The following QRFPR variants were observed in gnomAD, a reference collection of about 807,000 sequenced individuals.
QRFPR encodes the protein pyroglutamylated RFamide peptide receptor.
In QRFPR, 37 loss-of-function variants were observed where a neutral mutation model predicts 31.3. The ratio of observed to expected loss-of-function variants is 1.18; its 90% CI spans 0.91 to 1.56. The LOEUF (loss-of-function observed/expected upper bound fraction) is 1.56. Ranked by LOEUF, QRFPR falls within the 40% of genes most tolerant of loss-of-function variation. The pLI is 0.00. For missense variants in QRFPR, 542 were observed against 532.5 expected (o/e 1.02, Z -0.18); for synonymous variants, 197 against 192.0 (o/e 1.03, Z -0.22).
chr4:121,370,073 C>G (rs1452457032), intron 1 of QRFPR: 8 of 772,048 alleles, frequency 1.0e-5, no homozygotes, highest in African/African-American at 1.7e-5. Context: ...GGGAGCTTGT[C>G]CACACTGTCA....
chr4:121,351,936 A>G (rs1298356339), intron 1 of QRFPR, among the ~76,000 whole-genome samples: 1 of 152,106 alleles, frequency 6.6e-6, no homozygotes, highest in Non-Finnish European at 1.5e-5. Flanking sequence ...ATATTTAACA[A>G]TGCAACCAAA....
At chr4:121,372,293 G>C (rs1726262257) in intron 1 of QRFPR, among the ~76,000 whole-genome samples, 1 of 152,114 alleles carries the variant, frequency 6.6e-6, no homozygotes, top group South Asian at 2.1e-4. Context: ...TTAGTTCTAT[G>C]GGTAAGACAG....
At chr4:121,351,815 T>C (rs367926055) in intron 1 of QRFPR, among the ~76,000 whole-genome samples, 19 of 148,378 alleles carry the variant, frequency 1.3e-4, no homozygotes, top group African/African-American at 3.7e-4. Flanking sequence ...TCACCAAAGA[T>C]ACAACTCCGA....
rs973031633 is a variant in QRFPR at position 121,352,988 on chromosome 4, A to G, written c.341-12378T>C. 4.4e-4 allele frequency among the ~76,000 whole-genome samples: 67 copies of G among 151,966 alleles called. 1 individual carries two copies. The highest frequency in any genetic ancestry group is 1.5e-3 in the African/African-American group (62 of 41,416). On this transcript the variant is annotated intron_variant, in intron 1 of 5. Transcript: ENST00000394427. ...TGACATTTGTCTTTCTGTGCCTGCC[A>G]CATTTCACTCAACATAACGTCCTCC...
At chr4:121,379,342 T>C (rs1560748824) in intron 1 of QRFPR, among the ~76,000 whole-genome samples, 1 of 152,194 alleles carries the variant, frequency 6.6e-6, no homozygotes, top group Non-Finnish European at 1.5e-5. Flanking sequence ...AGTAATGGGA[T>C]AGAAATAGCA....
intron 1 of QRFPR, among the ~76,000 whole-genome samples, chr4:121,356,492 A>C (rs993786149): frequency 2.0e-5 from 3 of 152,186 alleles, no homozygotes; most frequent in Non-Finnish European, 4.4e-5. Flanking sequence ...TGGGCATTGA[A>C]GAGTTCAGTA....
rs187872223 is a variant in QRFPR, at chr4:121,365,440, C to T, written c.340+14868G>A. On this transcript the variant is annotated intron_variant, in intron 1 of 5. Transcript: ENST00000394427. ...CCGCACTCCAGCCTGGGCAACAGAGCGAGACTCCATCTCAAAAATAATAAT... is the reference window on the plus strand; with the variant it reads ...CCGCACTCCAGCCTGGGCAACAGAGTGAGACTCCATCTCAAAAATAATAAT... Among the ~76,000 whole-genome samples, 15 of 95,752 alleles carry T rather than the reference C, an allele frequency of 1.6e-4. No individual in the cohort carries two copies. The East Asian group carries it at 2.9e-3, about 19-fold the overall frequency. The allele number at this position is 95,752 out of a possible 152,430, so 62.8% of individuals were successfully genotyped here. A position where few individuals can be genotyped will look rare whatever the true frequency, so the allele number is the denominator to read the frequency against.
At position 121,343,052 on chromosome 4, in the gene QRFPR, G is replaced by A. The variant is rs191296863; in HGVS notation, c.341-2442C>T. ...CAAAAAGGTGAATGGAGAAGGGAAC[G>A]CCCATGGACCATGGCCATGCACCAG... On this transcript the variant is annotated intron_variant, in intron 1 of 5. Transcript: ENST00000394427. Among the ~76,000 whole-genome samples the A allele has an allele frequency of 9.2e-5, 14 of 152,252 alleles. 1 individual carries two copies. In the East Asian group the frequency reaches 1.4e-3, roughly 15 times the overall value.
In QRFPR at chr4:121,340,515, C is replaced by T. The variant is rs750159364; in HGVS notation, c.436G>A (p.Gly146Arg). ...TTCATTTTAAAAGGATGCACAAGTCCCTGGTGCCTTTCCACAGCAATGCAG... is the reference window on the plus strand; with the variant it reads ...TTCATTTTAAAAGGATGCACAAGTCTCTGGTGCCTTTCCACAGCAATGCAG... ...MTCIAVERHQ[G>R]LVHPFKMKWQ... Residue 146 changes from glycine to arginine, a missense_variant, in exon 2 of 6, where the codon GGA becomes AGA. Transcript: ENST00000394427. 3 of 1,613,914 alleles carry T rather than the reference C, an allele frequency of 1.9e-6. No homozygotes were observed. The highest frequency in any genetic ancestry group is 2.7e-5 in the African/African-American group (2 of 74,910).
Position 121,380,353 on chromosome 4 carries a change from T to C in QRFPR, c.295A>G (p.Ile99Val), listed in dbSNP as rs1359344130. ...ATGTTCTGGAGCATGGTGACGGGAA[T>C]GCAGAAGAAGGTGATGAGCAGGTCA... ...LSDLLITFFC[I>V]PVTMLQNISD... is the part of the protein sequence containing the mutation. Residue 99 changes from isoleucine to valine, a missense_variant, in exon 1 of 6, where the codon ATT becomes GTT. By Grantham distance (29) the Ile-to-Val change is conservative. Transcript: ENST00000394427. 6 of 1,614,002 alleles carry C rather than the reference T, an allele frequency of 3.7e-6. No individual in the cohort carries two copies. The Admixed American group carries it at 5.0e-5, about 13-fold the overall frequency.
intron 3 of QRFPR, among the ~76,000 whole-genome samples, chr4:121,333,511 T>C (rs1048710722): frequency 1.3e-5 from 2 of 152,244 alleles, no homozygotes; most frequent in African/African-American, 4.8e-5. Flanking sequence ...TGAAAAGTAC[T>C]GAAAGCTGCG....
chr4:121,339,797 T>TA (rs938510180), intron 2 of QRFPR, among the ~76,000 whole-genome samples: 51 of 151,220 alleles, frequency 3.4e-4, no homozygotes, highest in South Asian at 2.1e-4. Context: ...CTACCAAAAA[T>TA]AAAAAAAATT....
intron 2 of QRFPR, among the ~76,000 whole-genome samples, chr4:121,337,328 C>G (rs947415357): frequency 1.3e-5 from 2 of 152,208 alleles, no homozygotes; most frequent in Non-Finnish European, 2.9e-5. Context: ...ACTCAGAAAT[C>G]ACCTTCTCTA....
Position 121,371,161 on chromosome 4 carries a change from T to C in QRFPR, c.340+9147A>G, listed in dbSNP as rs550931265. 5.9e-5 allele frequency among the ~76,000 whole-genome samples: 9 copies of C among 152,336 alleles called. No homozygotes were observed. The East Asian group carries it at 1.3e-3, about 23-fold the overall frequency. On this transcript the variant is annotated intron_variant, in intron 1 of 5. Transcript: ENST00000394427. Reference sequence around the variant, plus strand: ...GTAGGAACATGCTGTCTTTTAAGATTTCTATTACCCTGAATAGCCTACAAT... The same window carrying C: ...GTAGGAACATGCTGTCTTTTAAGATCTCTATTACCCTGAATAGCCTACAAT...
intron 1 of QRFPR, among the ~76,000 whole-genome samples, chr4:121,369,111 C>T (rs958518157): frequency 1.1e-4 from 16 of 152,308 alleles, no homozygotes; most frequent in African/African-American, 3.4e-4. Context: ...TCACTGCAAC[C>T]TCTGCCTCTT....
chr4:121,353,500 G>A (rs1579579524), intron 1 of QRFPR, among the ~76,000 whole-genome samples: 1 of 151,976 alleles, frequency 6.6e-6, no homozygotes, highest in Admixed American at 6.6e-5. Context: ...ATAACTGTTG[G>A]CCACTTGCAT....
At chr4:121,337,573 C>T (rs924696510) in intron 2 of QRFPR, among the ~76,000 whole-genome samples, 6 of 152,134 alleles carry the variant, frequency 3.9e-5, no homozygotes, top group Non-Finnish European at 8.8e-5. Flanking sequence ...GGATGAATAA[C>T]TTTTAAACAT....
intron 1 of QRFPR, among the ~76,000 whole-genome samples, chr4:121,342,029 G>A (rs899187636): frequency 2.6e-5 from 4 of 152,192 alleles, no homozygotes; most frequent in Non-Finnish European, 5.9e-5. Flanking sequence ...ATATGCCTGC[G>A]AGGGTGTTTC....
chr4:121,339,443 C>T (rs1725496863), intron 2 of QRFPR, among the ~76,000 whole-genome samples: 1 of 152,142 alleles, frequency 6.6e-6, no homozygotes, highest in Non-Finnish European at 1.5e-5. Flanking sequence ...GACTCAGGAA[C>T]AATTACAGCA....
Sources: gnomAD v4.1 joint callset for allele counts (sites outside exome capture counted in the v4.1 genomes callset) on GRCh38, gnomAD v4.1.1 for gene constraint, MANE v1.5 for transcripts, NCBI Gene and HGNC (gene_info 2026-07-23, HGNC 2026-07-21) for gene names.